The following ANKRD28 variants were observed in gnomAD, a reference collection of about 807,000 sequenced individuals.
ANKRD28 encodes ankyrin repeat domain 28.
ANKRD28 carries 44 observed loss-of-function variants against 126.5 expected under a neutral mutation model. That is an observed-to-expected ratio of 0.35 (90% CI 0.27 to 0.45). The LOEUF is 0.45. Ranked by LOEUF, ANKRD28 falls within the 20% of genes least tolerant of loss-of-function variation. ANKRD28 has a pLI of 1.00. For synonymous variants in ANKRD28, 442 were observed against 468.5 expected (o/e 0.94, Z 0.73); for missense variants, 1,110 against 1,316.6 (o/e 0.84, Z 2.43).
At chr3:15,694,854 T>C (rs969973300) in intron 16 of ANKRD28, 41 bp from the exon 17 acceptor site, 7 of 1,568,850 alleles carry the variant, frequency 4.5e-6, no homozygotes, top group African/African-American at 1.4e-5. Context: ...AAAGACATAC[T>C]ACAGCAATTA....
chr3:15,797,945 T>G lies in ANKRD28; in HGVS notation c.-1424A>C. On this transcript the variant is annotated 5_prime_UTR_variant, in exon 1 of 28. Transcript: ENST00000683139. ...CTGCAGACCCACAGGATGAAATGCC[T>G]AGTAATGCTCACATGTTACACTTAC... The G allele has an allele frequency of 1.0e-6, 1 of 985,370 alleles. No homozygotes were observed. Among genetic ancestry groups the G allele is most frequent in the Non-Finnish European group, 1.2e-6 (1 of 829,922 alleles). The allele number at this position is 985,370 out of a possible 1,614,324, so 61.0% of individuals were successfully genotyped here.
intron 8 of ANKRD28, among the ~76,000 whole-genome samples, chr3:15,717,249 G>T (rs1178858960): frequency 6.6e-6 from 1 of 152,080 alleles, no homozygotes; most frequent in Non-Finnish European, 1.5e-5. Flanking sequence ...AGGTAGCTGG[G>T]ACTAAAGGCA....
intron 1 of ANKRD28, among the ~76,000 whole-genome samples, chr3:15,836,803 G>T: frequency 6.6e-6 from 1 of 152,198 alleles, no homozygotes. Flanking sequence ...CAGGCCAGGC[G>T]TGGTGGCTCA....
chr3:15,711,339 G>T, intron 11 of ANKRD28, 65 bp from the exon 12 acceptor site: 1 of 1,337,922 alleles, frequency 7.5e-7, no homozygotes, highest in Non-Finnish European at 1.1e-6. Flanking sequence ...ATTGTGTCAT[G>T]AAACATCAAG....
chr3:15,767,700 TAAAAAAAAAAAAAAAAAAAAAAAAAAAAA>T (rs57072807), intron 2 of ANKRD28, among the ~76,000 whole-genome samples: 3 of 64,358 alleles, frequency 4.7e-5, no homozygotes, highest in Admixed American at 1.5e-4. Flanking sequence ...TAGTCTCTAC[TAAAAAAAAAAAAAAAAAAAAAAAAAAAAA>T]AAAAAAAAAA....
intron 4 of ANKRD28, among the ~76,000 whole-genome samples, chr3:15,742,020 G>T (rs2057069366): frequency 6.6e-6 from 1 of 152,202 alleles, no homozygotes; most frequent in Non-Finnish European, 1.5e-5. Flanking sequence ...ATTGCAGACG[G>T]AGTCTGGTTC....
In ANKRD28 at chr3:15,853,604, G is replaced by C. The variant is rs62240844; in HGVS notation, c.27+5773C>G. 0.02 allele frequency among the ~76,000 whole-genome samples: 3,035 copies of C among 152,082 alleles called. 61 individuals carry two copies. Among genetic ancestry groups the C allele is most frequent in the Non-Finnish European group, 0.031 (2,136 of 67,982 alleles). On this transcript the variant is annotated intron_variant, in intron 1 of 27. Transcript: ENST00000399451. This position sits in a 1 kb window ranked among gnomAD's most constrained non-coding sequence, Gnocchi z 4.2. ...CCTGCCTCAGCCTCTCGAGTAGCTG[G>C]GACTACAGGCGCCCGCCACCACGCC...
intron 4 of ANKRD28, among the ~76,000 whole-genome samples, chr3:15,740,542 T>C (rs1201156184): frequency 6.6e-6 from 1 of 152,186 alleles, no homozygotes; most frequent in East Asian, 1.9e-4. Flanking sequence ...TGTTAGTAGG[T>C]ATGTTAGTGG....
intron 1 of ANKRD28, among the ~76,000 whole-genome samples, chr3:15,855,015 C>T (rs2061733511): frequency 6.6e-6 from 1 of 152,148 alleles, no homozygotes; most frequent in Admixed American, 6.5e-5. Context: ...TGCCGCTGCA[C>T]TCCAGCCTGG....
At chr3:15,789,594 C>T (rs1049013123) in intron 2 of ANKRD28, among the ~76,000 whole-genome samples, 24 of 152,038 alleles carry the variant, frequency 1.6e-4, no homozygotes, top group Non-Finnish European at 2.5e-4. Flanking sequence ...TCTGACATTG[C>T]TGTTTTAAAC....
chr3:15,822,355 T>C (rs1038866654), intron 1 of ANKRD28, among the ~76,000 whole-genome samples: 2 of 152,116 alleles, frequency 1.3e-5, no homozygotes, highest in South Asian at 4.1e-4. Flanking sequence ...TTATAGCCGA[T>C]TGCCAAGAGA....
In ANKRD28 at chr3:15,716,137, C is replaced by T. The variant is rs1575347772; in HGVS notation, c.997-1481G>A. On this transcript the variant is annotated intron_variant, in intron 8 of 27. Coordinates refer to ENST00000683139, the MANE Select transcript of ANKRD28 (RefSeq NM_001349278.2). ...AGCTGGGATTACAGGCATGCACCAC[C>T]ATGCCCAGCTAATTTTTGTATTTTA... 4.0e-5 allele frequency among the ~76,000 whole-genome samples: 6 copies of T among 151,824 alleles called. No individual in the cohort carries two copies. In the South Asian group the frequency reaches 1.3e-3, roughly 32 times the overall value.
chr3:15,796,690 TA>T lies in ANKRD28; in HGVS notation c.-170del. On this transcript the variant is annotated 5_prime_UTR_variant, in exon 1 of 28. Transcript: ENST00000683139. ...ATAAGTACTACTGGAAAAACAAGTTTAAAATTATGACTACATAATTTGTAAC... is the reference window on the plus strand; with the variant it reads ...ATAAGTACTACTGGAAAAACAAGTTTAAATTATGACTACATAATTTGTAAC... 1.0e-6 allele frequency: 1 copy of T among 982,598 alleles called. No homozygotes were observed. Among genetic ancestry groups the T allele is most frequent in the Non-Finnish European group, 1.2e-6 (1 of 822,092 alleles). 60.9% of individuals were successfully genotyped at this position (982,598 alleles called of 1,614,324 possible).
intron 8 of ANKRD28, among the ~76,000 whole-genome samples, chr3:15,720,054 G>T (rs2073532155): frequency 6.6e-6 from 1 of 151,662 alleles, no homozygotes; most frequent in African/African-American, 2.4e-5. Context: ...TTTTTTTGTG[G>T]AGCCAGGTTA....
At chr3:15,791,611 A>C (rs1345621900) in intron 2 of ANKRD28, among the ~76,000 whole-genome samples, 1 of 152,150 alleles carries the variant, frequency 6.6e-6, no homozygotes, top group Non-Finnish European at 1.5e-5. Context: ...ACAAAATTCA[A>C]ATCAAAATGC....
At chr3:15,694,291 A>G (rs908208472) in intron 17 of ANKRD28, among the ~76,000 whole-genome samples, 10 of 152,204 alleles carry the variant, frequency 6.6e-5, no homozygotes, top group African/African-American at 2.4e-4. Context: ...GTGAGCAACT[A>G]AAGGACCAGT....
chr3:15,831,249 A>G (rs1445557439), intron 1 of ANKRD28, among the ~76,000 whole-genome samples: 2 of 152,210 alleles, frequency 1.3e-5, no homozygotes, highest in Non-Finnish European at 2.9e-5. Context: ...TCCTGAGTAT[A>G]TATAACAAAA....
intron 8 of ANKRD28, among the ~76,000 whole-genome samples, chr3:15,718,888 C>G (rs2073384218): frequency 6.6e-6 from 1 of 152,118 alleles, no homozygotes; most frequent in Non-Finnish European, 1.5e-5. Flanking sequence ...ATTAAAGAAA[C>G]ATTACTGCGC....
At chr3:15,742,935 GGGGGAAAGGC>G (rs2057198176) in intron 4 of ANKRD28, among the ~76,000 whole-genome samples, 1 of 151,378 alleles carries the variant, frequency 6.6e-6, no homozygotes, top group Non-Finnish European at 1.5e-5. Context: ...GAATAGAAAG[GGGGGAAAGGC>G]GGGGAAAGGA....
Sources: gnomAD v4.1 joint callset for allele counts (sites outside exome capture counted in the v4.1 genomes callset) on GRCh38, gnomAD v4.1.1 for gene constraint, Gnocchi (gnomAD v3.1) non-coding constraint, MANE v1.5 for transcripts, NCBI Gene and HGNC (gene_info 2026-07-23, HGNC 2026-07-21) for gene names.